COQ7: variants seen among roughly 807,000 people sequenced by gnomAD.
COQ7 encodes the protein NADPH-dependent 3-demethoxyubiquinone 3-hydroxylase, mitochondrial.
COQ7 carries 21 observed loss-of-function variants against 25.0 expected under a neutral mutation model. That is an observed-to-expected ratio of 0.84 (90% CI 0.60 to 1.21). COQ7 has a LOEUF of 1.21. Ranked by LOEUF, COQ7 falls within the 50% of genes most tolerant of loss-of-function variation. The pLI is 0.00. For synonymous variants in COQ7, 125 were observed against 112.4 expected, an observed-to-expected ratio of 1.11 and a Z score of -0.71; for missense variants, 311 against 296.2, an observed-to-expected ratio of 1.05 and a Z score of -0.37.
intron 2 of COQ7, 29 bp downstream of exon 2, chr16:19,072,135 G>C (rs1962595541): frequency 6.2e-7 from 1 of 1,612,990 alleles, no homozygotes; most frequent in Non-Finnish European, 8.5e-7. Context: ...CCCTCACCCT[G>C]GTCTACTGAA....
chr16:19,082,934 C>A (rs145813464), downstream of COQ7, among the ~76,000 whole-genome samples: 3 of 151,572 alleles, frequency 2.0e-5, no homozygotes, highest in Non-Finnish European at 4.4e-5. Context: ...GATTAGTGGT[C>A]GTCTAGGGCT....
chr16:19,082,421 A>G (rs1313570124), downstream of COQ7, among the ~76,000 whole-genome samples: 1 of 152,006 alleles, frequency 6.6e-6, no homozygotes, highest in Non-Finnish European at 1.5e-5. Context: ...GCTTGAGTCC[A>G]GGAGTTTGAG....
At chr16:19,077,575 C>A (rs905344962) in intron 5 of COQ7, among the ~76,000 whole-genome samples, 3 of 99,698 alleles carry the variant, frequency 3.0e-5, no homozygotes, top group Non-Finnish European at 6.6e-5. Flanking sequence ...TATGCCTTCT[C>A]CTTTTCCCCA....
In COQ7 at chr16:19,068,062, C is replaced by A. The variant is rs537032732; in HGVS notation, c.73+325C>A. On this transcript the variant is annotated intron_variant, in intron 1 of 5. Coordinates refer to ENST00000321998, the MANE Select transcript of COQ7 (RefSeq NM_016138.5). ...GTTGGCGACACTGAAAATTCAGCGT[C>A]TCCGGGAGTCTCTCTCTTTGTAGTC... The A allele has an allele frequency of 1.9e-3, 2,229 of 1,199,366 alleles. 3 individuals are homozygous for A. Among genetic ancestry groups the A allele is most frequent in the Middle Eastern group, 4.3e-3 (13 of 3,034 alleles). The allele number at this position is 1,199,366 out of a possible 1,614,324, so 74.3% of individuals were successfully genotyped here.
chr16:19,075,628 TG>T, intron 3 of COQ7, 92 bp from the exon 4 acceptor site: 1 of 1,387,756 alleles, frequency 7.2e-7, no homozygotes, highest in South Asian at 1.4e-5. Flanking sequence ...GCCCGATGTC[TG>T]GTGCAGAGGT....
chr16:19,067,714 CG>C lies in COQ7; in HGVS notation c.55del (p.Ala19ProfsTer21). On this transcript the variant is annotated frameshift_variant, in exon 1 of 6. Coordinates refer to ENST00000321998, the MANE Select transcript of COQ7 (RefSeq NM_016138.5). LOFTEE classifies it high-confidence loss of function. Reference protein sequence around the residue: ...AAAPRLWRLRPGARRSLSAYG... With the variant: ...AAAPRLWRLRXGARRSLSAYG... Reference sequence around the variant, plus strand: ...GCTCCCCGCCTTTGGCGGCTGCGCCCGGGGGCCCGGCGGTCCCTCTCAGGTA... The same window carrying C: ...GCTCCCCGCCTTTGGCGGCTGCGCCCGGGGCCCGGCGGTCCCTCTCAGGTA... 2 of 1,606,890 alleles carry C rather than the reference CG, an allele frequency of 1.2e-6. No individual in the cohort carries two copies. Among genetic ancestry groups the C allele is most frequent in the Non-Finnish European group, 1.7e-6 (2 of 1,177,950 alleles).
chr16:19,072,090 T>G lies in COQ7; in HGVS notation c.236T>G (p.Val79Gly). The G allele has an allele frequency of 6.2e-7, 1 of 1,614,070 alleles. No individual in the cohort carries two copies. Among genetic ancestry groups the G allele is most frequent in the Non-Finnish European group, 8.5e-7 (1 of 1,180,016 alleles). The change falls in exon 2 of 6, where the codon GTC becomes GGC. Residue 79 changes from valine (V) to glycine (G), a missense_variant. Val to Gly is a moderately radical substitution (Grantham distance 109). Coordinates refer to ENST00000321998, the MANE Select transcript of COQ7 (RefSeq NM_016138.5). ...ATGGCTGTCCTGGGTCGGACCAGCG[T>G]CGGGCCAGTCATTCAGGTGGGTGCT... ...GQMAVLGRTS[V>G]GPVIQKMWDQ...
At chr16:19,072,225 A>T (rs115060737) in intron 2 of COQ7, 119 bp downstream of exon 2, 1 of 1,289,578 alleles carries the variant, frequency 7.8e-7, no homozygotes, top group African/African-American at 1.5e-5. Flanking sequence ...TCTCCAGGAG[A>T]GCGAAGGTTG....
chr16:19,078,679 C>G lies in COQ7; in HGVS notation c.*521C>G, dbSNP rs1010352313. 7.9e-5 allele frequency: 12 copies of G among 152,000 alleles called. No homozygotes were observed. Among genetic ancestry groups the G allele is most frequent in the African/African-American group, 2.7e-4 (11 of 41,378 alleles). 9.4% of individuals were successfully genotyped at this position (152,000 alleles called of 1,614,324 possible). On this transcript the variant is annotated 3_prime_UTR_variant, in exon 6 of 6. Coordinates refer to ENST00000321998, the MANE Select transcript of COQ7 (RefSeq NM_016138.5). Reference sequence around the variant, plus strand: ...ATGTCGCCAGGCTGGTCTCTAACTCCTGGGCTCAGTGATCCTCCCGTTTCG... The same window carrying G: ...ATGTCGCCAGGCTGGTCTCTAACTCGTGGGCTCAGTGATCCTCCCGTTTCG...
Position 19,077,303 on chromosome 16 carries a change from C to T in COQ7, c.508-3C>T. The T allele has an allele frequency of 6.2e-7, 1 of 1,613,762 alleles. No homozygotes were observed. The highest frequency in any genetic ancestry group is 8.5e-7 in the Non-Finnish European group (1 of 1,179,734). On this transcript the variant is annotated splice_polypyrimidine_tract_variant and splice_region_variant and intron_variant, in intron 4 of 5. Coordinates refer to ENST00000321998, the MANE Select transcript of COQ7 (RefSeq NM_016138.5). ...TTGCTTTGGTGTCTTTTTATTTAAC[C>T]AGCTGATAAAGAAATTTCGGGATGA...
intron 1 of COQ7, among the ~76,000 whole-genome samples, chr16:19,069,875 C>T (rs959515334): frequency 2.0e-5 from 3 of 152,118 alleles, no homozygotes; most frequent in African/African-American, 4.8e-5. Flanking sequence ...CCTTTGCCTA[C>T]TGGGTTCAAG....
chr16:19,069,260 T>A (rs1391644917), intron 1 of COQ7, among the ~76,000 whole-genome samples: 1 of 152,226 alleles, frequency 6.6e-6, no homozygotes, highest in East Asian at 1.9e-4. Context: ...TTAATGCTGC[T>A]CTGTTCAGCC....
At chr16:19,073,464 G>T (rs1192684870) in intron 2 of COQ7, among the ~76,000 whole-genome samples, 1 of 152,146 alleles carries the variant, frequency 6.6e-6, no homozygotes, top group Non-Finnish European at 1.5e-5. Context: ...CTGCACTACA[G>T]TCTGGGTGAC....
Position 19,071,958 on chromosome 16 carries a change from G to T in COQ7, c.104G>T (p.Arg35Leu), listed in dbSNP as rs772432536. The T allele has an allele frequency of 1.2e-6, 2 of 1,614,096 alleles. No individual in the cohort carries two copies. Among genetic ancestry groups the T allele is most frequent in the Non-Finnish European group, 8.5e-7 (1 of 1,180,054 alleles). Residue 35 changes from arginine to leucine, a missense_variant, in exon 2 of 6, where the codon CGC becomes CTC. Physicochemically the swap from Arg to Leu is moderately radical, Grantham distance 102. Coordinates refer to ENST00000321998, the MANE Select transcript of COQ7 (RefSeq NM_016138.5). ...AYGRRTSVRF[R>L]SSGMTLDNIS... ...GGAAGAAGAACCAGTGTCAGATTTC[G>T]CAGTTCAGGAATGACTTTAGACAAT...
chr16:19,080,164 G>T (rs1963063724), downstream of COQ7: 1 of 152,100 alleles, frequency 6.6e-6, no homozygotes, highest in African/African-American at 2.4e-5. Flanking sequence ...CTCACCTCAT[G>T]GTCAAACTAG....
chr16:19,077,590 C>CTTTTTCTTTTTTTTTTTTTTT (rs1962919214), intron 5 of COQ7, among the ~76,000 whole-genome samples: 3 of 74,378 alleles, frequency 4.0e-5, no homozygotes, highest in Non-Finnish European at 7.8e-5. Context: ...TCCCCAGAAG[C>CTTTTTCTTTTTTTTTTTTTTT]TTTTTTTTTT....
intron 2 of COQ7, among the ~76,000 whole-genome samples, chr16:19,072,775 G>A (rs550089085): frequency 2.0e-5 from 3 of 152,322 alleles, no homozygotes; most frequent in African/African-American, 7.2e-5. Context: ...TGTGTGGATT[G>A]AATGAATTGC....
rs1381621101 is a variant in COQ7, at chr16:19,072,016, G to T, written c.162G>T (p.Arg54=). 3.1e-6 allele frequency: 5 copies of T among 1,614,224 alleles called. No individual in the cohort carries two copies. The highest frequency in any genetic ancestry group is 4.2e-6 in the Non-Finnish European group (5 of 1,180,050). Residue 54 remains arginine, a synonymous_variant, in exon 2 of 6, where the codon CGG becomes CGT. Coordinates refer to ENST00000321998, the MANE Select transcript of COQ7 (RefSeq NM_016138.5). Reference sequence around the variant, plus strand: ...GGGCAGCTGTGGATCGAATAATCCGGGTGGATCATGCAGGCGAATATGGAG... The same window carrying T: ...GGGCAGCTGTGGATCGAATAATCCGTGTGGATCATGCAGGCGAATATGGAG... The part of the protein sequence containing the change: ...ISRAAVDRII[R]VDHAGEYGAN...
At chr16:19,068,899 A>G in intron 1 of COQ7, 1 of 316,374 alleles carries the variant, frequency 3.2e-6, no homozygotes, top group Non-Finnish European at 6.2e-6. Flanking sequence ...ATTAAAAAAA[A>G]ACAAACAAAT....
Sources: gnomAD v4.1 joint callset for allele counts (sites outside exome capture counted in the v4.1 genomes callset) on GRCh38, gnomAD v4.1.1 for gene constraint, MANE v1.5 for transcripts, NCBI Gene and HGNC (gene_info 2026-07-23, HGNC 2026-07-21) for gene names.